Variants in CIMAP3 observed in about 807,000 individuals in gnomAD.
CIMAP3 encodes the protein ciliary microtubule-associated protein 3.
chr1:111,351,449 G>A, the CIMAP3 span: 1 of 783,818 alleles, frequency 1.3e-6, no homozygotes, highest in Non-Finnish European at 2.0e-6. Flanking sequence ...AGCCCAGGGA[G>A]GGACAGGGGC....
the CIMAP3 span, among the ~76,000 whole-genome samples, chr1:111,329,558 T>TATATATAA: frequency 8.7e-6 from 1 of 114,328 alleles, no homozygotes; most frequent in Admixed American, 8.8e-5. Context: ...TATATATATA[T>TATATATAA]AATTTTTTTT....
At chr1:111,350,188 GT>G in the CIMAP3 span, 1 of 1,613,954 alleles carries the variant, frequency 6.2e-7, no homozygotes, top group Non-Finnish European at 8.5e-7. Context: ...CTGGGCTCAG[GT>G]TCCATGTCTA....
the CIMAP3 span, among the ~76,000 whole-genome samples, chr1:111,334,290 T>G: frequency 6.6e-6 from 1 of 151,930 alleles, no homozygotes; most frequent in South Asian, 2.1e-4. Context: ...GAGAGAAAAG[T>G]GGTGACAGTT....
At chr1:111,346,860 C>A in the CIMAP3 span, 1 of 1,603,034 alleles carries the variant, frequency 6.2e-7, no homozygotes, top group Non-Finnish European at 8.5e-7. Context: ...AACGCGCTCA[C>A]GTAGACCCAG....
the CIMAP3 span, among the ~76,000 whole-genome samples, chr1:111,328,533 T>C: frequency 3.9e-5 from 6 of 152,242 alleles, no homozygotes; most frequent in Non-Finnish European, 7.3e-5. Context: ...TGTGTGCTTC[T>C]GTATTGGGTG....
chr1:111,325,039 A>C, the CIMAP3 span: 1 of 357,502 alleles, frequency 2.8e-6, no homozygotes, highest in South Asian at 1.1e-4. Flanking sequence ...TCCACTCACC[A>C]AATTATTTGT....
the CIMAP3 span, chr1:111,347,887 A>G: frequency 1.4e-6 from 1 of 737,718 alleles, no homozygotes; most frequent in Non-Finnish European, 2.3e-6. Context: ...AAATTAAAGA[A>G]AAGTAGGCAT....
chr1:111,348,654 T>G, the CIMAP3 span: 1 of 1,572,532 alleles, frequency 6.4e-7, no homozygotes, highest in East Asian at 2.3e-5. Context: ...CAGGTATGTC[T>G]CCTCCCTTTT....
At chr1:111,335,961 C>T in the CIMAP3 span, among the ~76,000 whole-genome samples, 1 of 152,248 alleles carries the variant, frequency 6.6e-6, no homozygotes, top group Non-Finnish European at 1.5e-5. Flanking sequence ...CCAGTAGGGG[C>T]AGACTGACAC....
At chr1:111,352,459 G>A in the CIMAP3 span, 1 of 152,646 alleles carries the variant, frequency 6.6e-6, no homozygotes, top group Non-Finnish European at 1.5e-5. Context: ...CTGGTCATAT[G>A]ATGCTGGGGG....
chr1:111,332,885 C>A, the CIMAP3 span, among the ~76,000 whole-genome samples: 2 of 152,154 alleles, frequency 1.3e-5, no homozygotes, highest in African/African-American at 4.8e-5. Context: ...ATTTCTCAGT[C>A]CTGGGGCATA....
chr1:111,347,649 T>G, the CIMAP3 span: 1 of 1,440,108 alleles, frequency 6.9e-7, no homozygotes, highest in Non-Finnish European at 9.5e-7. Flanking sequence ...GTGTTTTTGT[T>G]TGTTTTTTAA....
At chr1:111,333,481 T>C in the CIMAP3 span, among the ~76,000 whole-genome samples, 26 of 152,270 alleles carry the variant, frequency 1.7e-4, no homozygotes, top group East Asian at 3.9e-3. Flanking sequence ...TCTGGGGCAA[T>C]GCAGGTATGT....
At chr1:111,336,569 G>A in the CIMAP3 span, among the ~76,000 whole-genome samples, 6 of 152,210 alleles carry the variant, frequency 3.9e-5, no homozygotes, top group South Asian at 6.2e-4. Context: ...CTCAGGAGCC[G>A]ATGCAATCAA....
the CIMAP3 span, chr1:111,347,581 G>C: frequency 3.9e-6 from 3 of 763,320 alleles, no homozygotes; most frequent in South Asian, 5.2e-5. Flanking sequence ...ACTCCATTTC[G>C]ATGGCCCTGA....
At chr1:111,347,023 A>G in the CIMAP3 span, 1 of 1,613,820 alleles carries the variant, frequency 6.2e-7, no homozygotes, top group Non-Finnish European at 8.5e-7. Flanking sequence ...ATCACCCCAC[A>G]GAGGGCCTGG....
chr1:111,344,034 G>T, the CIMAP3 span, among the ~76,000 whole-genome samples: 1 of 152,110 alleles, frequency 6.6e-6, no homozygotes, highest in African/African-American at 2.4e-5. Context: ...TAATGACTCT[G>T]ATATCTGGAT....
At chr1:111,325,748 G>C in the CIMAP3 span, among the ~76,000 whole-genome samples, 1 of 152,154 alleles carries the variant, frequency 6.6e-6, no homozygotes, top group Non-Finnish European at 1.5e-5. Flanking sequence ...CAAAGAAGTA[G>C]TCAGATTCTT....
At chr1:111,336,323 C>T in the CIMAP3 span, among the ~76,000 whole-genome samples, 1 of 152,218 alleles carries the variant, frequency 6.6e-6, no homozygotes, top group African/African-American at 2.4e-5. Context: ...CGCAGTTCCT[C>T]ACCAGCAATA....
Sources: gnomAD v4.1 joint callset for allele counts (sites outside exome capture counted in the v4.1 genomes callset) on GRCh38, gnomAD v4.1.1 for gene constraint, MANE v1.5 for transcripts, NCBI Gene and HGNC (gene_info 2026-07-23, HGNC 2026-07-21) for gene names.